The following USP34 variants were observed in gnomAD, a reference collection of about 807,000 sequenced individuals.
The protein encoded by USP34 is ubiquitin specific peptidase 34, also known as ubiquitin carboxyl-terminal hydrolase 34.
In USP34, 70 loss-of-function variants were observed where a neutral mutation model predicts 460.3. The observed-to-expected ratio is 0.15, with a 90% CI of 0.13 to 0.19. The LOEUF (loss-of-function observed/expected upper bound fraction) is 0.19. Among genes scored for constraint, USP34 ranks in the 10% least tolerant of loss-of-function variants. USP34 has a pLI of 1.00. For synonymous variants in USP34, 1,647 were observed against 1,405.3 expected (o/e 1.17, Z -3.85); for missense variants, 3,985 against 4,236.2 (o/e 0.94, Z 1.65).
chr2:61,366,249 A>G (rs1417179888), intron 10 of USP34, among the ~76,000 whole-genome samples: 1 of 152,180 alleles, frequency 6.6e-6, no homozygotes, highest in Non-Finnish European at 1.5e-5. Flanking sequence ...AAAATGTAAT[A>G]GGTAAAGAAA....
At chr2:61,303,023 T>C (rs1690276774) in intron 27 of USP34, among the ~76,000 whole-genome samples, 1 of 152,158 alleles carries the variant, frequency 6.6e-6, no homozygotes, top group Admixed American at 6.6e-5. Flanking sequence ...TGTTCGCTTA[T>C]CTCCAAAAGT....
intron 5 of USP34, among the ~76,000 whole-genome samples, chr2:61,391,127 G>A (rs1275460404): frequency 6.6e-6 from 1 of 151,632 alleles, no homozygotes; most frequent in Non-Finnish European, 1.5e-5. Flanking sequence ...CTCACCATCT[G>A]ACAAAGTTAC....
intron 21 of USP34, among the ~76,000 whole-genome samples, chr2:61,324,300 T>C (rs2694634): frequency 0.37 from 55,902 of 152,026 alleles, 10,286 homozygotes; most frequent in African/African-American, 0.39. Flanking sequence ...AGCTCTACTT[T>C]TAAAAAATTA....
At chr2:61,335,482 G>T (rs556274503) in intron 18 of USP34, among the ~76,000 whole-genome samples, 1 of 152,206 alleles carries the variant, frequency 6.6e-6, no homozygotes, top group African/African-American at 2.4e-5. Flanking sequence ...AACGCATAAT[G>T]GTTCATGCCT....
At position 61,325,466 on chromosome 2, in the gene USP34, T is replaced by C; in HGVS notation, c.2931-9A>G. 1 of 1,478,248 alleles carries C rather than the reference T, an allele frequency of 6.8e-7. No individual in the cohort carries two copies. The highest frequency in any genetic ancestry group is 1.4e-5 in the South Asian group (1 of 71,512). The allele number at this position is 1,478,248 out of a possible 1,614,324, so 91.6% of individuals were successfully genotyped here. ...CAGCACTATGGCTGTACCTATAATT[T>C]AAAAGTCATTAAAATAATTAAATAT... is the stretch of plus-strand genomic sequence containing the variant. On this transcript the variant is annotated splice_polypyrimidine_tract_variant and intron_variant, in intron 20 of 79. Transcript: ENST00000398571.
At chr2:61,260,637 A>T (rs1688851774) in intron 43 of USP34, among the ~76,000 whole-genome samples, 1 of 152,230 alleles carries the variant, frequency 6.6e-6, no homozygotes, top group South Asian at 2.1e-4. Flanking sequence ...ATAAAATTAT[A>T]TATTAAACTC....
In USP34 at chr2:61,339,401, T is replaced by C. The variant is rs17008405; in HGVS notation, c.2694A>G (p.Gln898=). 0.13 allele frequency: 210,032 copies of C among 1,607,608 alleles called. 14,963 individuals carry two copies. Among genetic ancestry groups the C allele is most frequent in the African/African-American group, 0.21 (15,983 of 74,682 alleles). ...CSLVCWFTDR[Q]IRMRFIEGCL... is the part of the protein sequence containing the mutation. ...AACCTTCAATGAATCTCATTCGAAT[T>C]TGTCTATCTGTAAACCAACATACTA... is the stretch of plus-strand genomic sequence containing the variant. Residue 898 remains glutamine, a synonymous_variant, in exon 18 of 80, where the codon CAA becomes CAG. Coordinates refer to ENST00000398571, the MANE Select transcript of USP34 (RefSeq NM_014709.4).
intron 19 of USP34, 56 bp from the exon 20 acceptor site, chr2:61,331,427 C>T (rs1451068384): frequency 2.8e-6 from 4 of 1,438,856 alleles, no homozygotes; most frequent in Non-Finnish European, 3.7e-6. Context: ...GAGAATAAAT[C>T]TATGCTATGA....
chr2:61,239,873 T>C (rs1688195436), intron 53 of USP34, among the ~76,000 whole-genome samples: 1 of 151,864 alleles, frequency 6.6e-6, no homozygotes, highest in Non-Finnish European at 1.5e-5. Flanking sequence ...TAGCTGGGTG[T>C]GGTGGCGGGT....
intron 41 of USP34, among the ~76,000 whole-genome samples, chr2:61,269,711 GATTT>G (rs1429175890): frequency 6.6e-6 from 1 of 152,024 alleles, no homozygotes; most frequent in African/African-American, 2.4e-5. Flanking sequence ...TCCATTACCA[GATTT>G]ATTTTGTTAA....
intron 4 of USP34, 77 bp from the exon 5 acceptor site, chr2:61,395,079 T>C: frequency 6.8e-7 from 1 of 1,474,404 alleles, no homozygotes; most frequent in Non-Finnish European, 9.1e-7. Context: ...GGAAAGATAC[T>C]GATGAGAAAC....
chr2:61,439,856 G>C (rs547154963), intron 1 of USP34, among the ~76,000 whole-genome samples: 1 of 152,178 alleles, frequency 6.6e-6, no homozygotes, highest in Non-Finnish European at 1.5e-5. Context: ...GTGTGGCCCA[G>C]AGAGGTGTCT....
chr2:61,204,645 A>T (rs560931375), intron 72 of USP34, 44 bp from the exon 73 acceptor site: 16 of 1,446,432 alleles, frequency 1.1e-5, no homozygotes, highest in African/African-American at 2.8e-5. Flanking sequence ...ATTAAGAGTT[A>T]TATCTGCCTA....
intron 25 of USP34, among the ~76,000 whole-genome samples, chr2:61,313,678 T>C (rs1193514387): frequency 2.6e-5 from 4 of 152,164 alleles, no homozygotes; most frequent in African/African-American, 7.2e-5. Context: ...AATGAGTTCC[T>C]TTCCACATTC....
At chr2:61,226,838 A>T (rs1572850497) in intron 62 of USP34, 2 of 451,310 alleles carry the variant, frequency 4.4e-6, no homozygotes, top group East Asian at 8.0e-5. Flanking sequence ...TTCTAACACG[A>T]CTCATAGATG....
intron 25 of USP34, among the ~76,000 whole-genome samples, chr2:61,313,662 T>TA (rs1478108073): frequency 2.6e-5 from 4 of 152,082 alleles, no homozygotes; most frequent in Admixed American, 2.0e-4. Context: ...AGTTTCTGTG[T>TA]AAAAAAATGA....
intron 1 of USP34, among the ~76,000 whole-genome samples, chr2:61,431,131 G>T (rs77153207): frequency 0.011 from 1,668 of 152,322 alleles, 31 homozygotes; most frequent in African/African-American, 0.038. Context: ...AATGAACAGA[G>T]AATTATACCT....
chr2:61,300,939 A>G lies in USP34; in HGVS notation c.4128+12T>C, dbSNP rs1193547367. 6.3e-7 allele frequency: 1 copy of G among 1,576,574 alleles called. No homozygotes were observed. Among genetic ancestry groups the G allele is most frequent in the Admixed American group, 1.8e-5 (1 of 54,066 alleles). ...ACACAAAACAAGATTTGTGAAAATGAAACATAGTCACCTCACTATCATCCA... is the reference window on the plus strand; with the variant it reads ...ACACAAAACAAGATTTGTGAAAATGGAACATAGTCACCTCACTATCATCCA... On this transcript the variant is annotated intron_variant, in intron 29 of 79. Coordinates refer to ENST00000398571, the MANE Select transcript of USP34 (RefSeq NM_014709.4).
At chr2:61,212,521 A>T (rs1687297768) in intron 68 of USP34, among the ~76,000 whole-genome samples, 1 of 152,248 alleles carries the variant, frequency 6.6e-6, no homozygotes, top group African/African-American at 2.4e-5. Flanking sequence ...TTCTAGAATG[A>T]TGCTCAGTTC....
Sources: gnomAD v4.1 joint callset for allele counts (sites outside exome capture counted in the v4.1 genomes callset) on GRCh38, gnomAD v4.1.1 for gene constraint, MANE v1.5 for transcripts, NCBI Gene and HGNC (gene_info 2026-07-23, HGNC 2026-07-21) for gene names.